PACRG: variants seen among roughly 807,000 people sequenced by gnomAD.
PACRG encodes the protein parkin coregulated gene protein.
PACRG carries 29 observed loss-of-function variants against 29.7 expected under a neutral mutation model. The ratio of observed to expected loss-of-function variants is 0.98; its 90% CI spans 0.73 to 1.33. PACRG has a LOEUF of 1.33. PACRG is among the 40% of genes most tolerant of loss of function. The pLI is 0.00. For missense variants in PACRG, 279 were observed against 316.2 expected (o/e 0.88, Z 0.89); for synonymous variants, 116 against 118.7 (o/e 0.98, Z 0.15).
chr6:162,944,939 C>T (rs1489507058), intron 2 of PACRG, among the ~76,000 whole-genome samples: 1 of 151,746 alleles, frequency 6.6e-6, no homozygotes, highest in Admixed American at 6.6e-5. Context: ...AGCTGAAAAC[C>T]TCCCAAGTTT....
intron 4 of PACRG, among the ~76,000 whole-genome samples, chr6:163,101,751 G>T (rs1815101344): frequency 6.6e-6 from 1 of 152,126 alleles, no homozygotes; most frequent in African/African-American, 2.4e-5. Context: ...TGTGGAACAT[G>T]AGGCCTTCCT....
intron 1 of PACRG, among the ~76,000 whole-genome samples, chr6:162,735,386 A>G (rs955525793): frequency 1.3e-5 from 2 of 152,200 alleles, no homozygotes; most frequent in Non-Finnish European, 2.9e-5. Context: ...TTTGTGCTAC[A>G]GTCTCACCAA....
At chr6:162,804,051 A>G (rs531577419) in intron 1 of PACRG, among the ~76,000 whole-genome samples, 1 of 152,176 alleles carries the variant, frequency 6.6e-6, no homozygotes, top group Non-Finnish European at 1.5e-5. Flanking sequence ...ATCGAAACAT[A>G]TTAAACTAAG....
At chr6:162,862,643 C>T (rs1791960540) in intron 2 of PACRG, among the ~76,000 whole-genome samples, 1 of 152,196 alleles carries the variant, frequency 6.6e-6, no homozygotes, top group South Asian at 2.1e-4. Flanking sequence ...GAAAGTCACT[C>T]CGTATAACTG....
intron 2 of PACRG, among the ~76,000 whole-genome samples, chr6:163,054,742 G>A (rs891299754): frequency 3.9e-5 from 6 of 152,094 alleles, no homozygotes; most frequent in African/African-American, 1.4e-4. Flanking sequence ...ATCCCATTTT[G>A]GGGCTTCCCA....
chr6:163,262,023 A>G (rs990091306), intron 4 of PACRG, among the ~76,000 whole-genome samples: 7 of 152,176 alleles, frequency 4.6e-5, no homozygotes, highest in South Asian at 4.2e-4. Context: ...TATTGCTGCT[A>G]TTTCCAAGAT....
At chr6:163,209,227 T>C (rs1781037066) in intron 4 of PACRG, among the ~76,000 whole-genome samples, 1 of 152,228 alleles carries the variant, frequency 6.6e-6, no homozygotes, top group African/African-American at 2.4e-5. Flanking sequence ...CATCTTACCA[T>C]CCAAATTTCT....
At chr6:163,284,976 G>A (rs1433500074) in intron 4 of PACRG, among the ~76,000 whole-genome samples, 2 of 152,048 alleles carry the variant, frequency 1.3e-5, no homozygotes, top group Non-Finnish European at 2.9e-5. Flanking sequence ...CATTGCCTGG[G>A]GCAGTGCAGT....
At chr6:162,994,564 A>G (rs1283545462) in intron 2 of PACRG, among the ~76,000 whole-genome samples, 1 of 151,794 alleles carries the variant, frequency 6.6e-6, no homozygotes. Context: ...TTCTTCACGT[A>G]GTTCTCGAGC....
At chr6:162,985,584 TC>T (rs1177292488) in intron 2 of PACRG, among the ~76,000 whole-genome samples, 2 of 151,944 alleles carry the variant, frequency 1.3e-5, no homozygotes, top group Non-Finnish European at 2.9e-5. Flanking sequence ...TGTATGACAA[TC>T]CCACAGCCAA....
chr6:163,312,544 C>T (rs981571826), intron 4 of PACRG, among the ~76,000 whole-genome samples: 41 of 152,266 alleles, frequency 2.7e-4, no homozygotes, highest in Non-Finnish European at 5.0e-4. Context: ...TCATCTCCCC[C>T]GTGCAGCCAT....
At chr6:163,287,859 G>A (rs1006788314) in intron 4 of PACRG, among the ~76,000 whole-genome samples, 1 of 152,182 alleles carries the variant, frequency 6.6e-6, no homozygotes, top group Non-Finnish European at 1.5e-5. Flanking sequence ...GGGTTTTGTG[G>A]TCTGGAGGTT....
chr6:162,865,278 A>G (rs1792201826), intron 2 of PACRG, among the ~76,000 whole-genome samples: 1 of 152,176 alleles, frequency 6.6e-6, no homozygotes, highest in South Asian at 2.1e-4. Flanking sequence ...TGGCTCCCAT[A>G]AAATTAAGAA....
chr6:163,017,900 T>C (rs1342300126), intron 2 of PACRG, among the ~76,000 whole-genome samples: 1 of 152,172 alleles, frequency 6.6e-6, no homozygotes, highest in Non-Finnish European at 1.5e-5. Flanking sequence ...TCCATTTTTA[T>C]GTGACACTGT....
At chr6:163,179,277 G>A in intron 4 of PACRG, 1 of 455,524 alleles carries the variant, frequency 2.2e-6, no homozygotes, top group Non-Finnish European at 4.4e-6. Context: ...GGCAGCTGGG[G>A]GAACTCAGCC....
At chr6:163,214,196 T>C (rs1781270455) in intron 4 of PACRG, among the ~76,000 whole-genome samples, 1 of 152,214 alleles carries the variant, frequency 6.6e-6, no homozygotes, top group Non-Finnish European at 1.5e-5. Context: ...GTGGCTAGTG[T>C]GACTAAGGAC....
At chr6:162,779,097 A>G (rs904692818) in intron 1 of PACRG, among the ~76,000 whole-genome samples, 1 of 152,018 alleles carries the variant, frequency 6.6e-6, no homozygotes, top group African/African-American at 2.4e-5. Flanking sequence ...TGTTCTCATC[A>G]TTCGGCTCCG....
intron 2 of PACRG, among the ~76,000 whole-genome samples, chr6:162,996,452 T>C (rs1421194818): frequency 6.6e-6 from 1 of 152,048 alleles, no homozygotes; most frequent in Non-Finnish European, 1.5e-5. Context: ...TGATCCAAAA[T>C]AGACCCCCCC....
chr6:162,833,472 G>A (rs1168909432), intron 2 of PACRG, among the ~76,000 whole-genome samples: 2 of 152,030 alleles, frequency 1.3e-5, no homozygotes, highest in African/African-American at 4.8e-5. Flanking sequence ...TTGGAGCATT[G>A]TTTGTATCTT....
Sources: gnomAD v4.1 joint callset for allele counts (sites outside exome capture counted in the v4.1 genomes callset) on GRCh38, gnomAD v4.1.1 for gene constraint, MANE v1.5 for transcripts, NCBI Gene and HGNC (gene_info 2026-07-23, HGNC 2026-07-21) for gene names.